The following CLEC4F variants were observed in gnomAD, a reference collection of about 807,000 sequenced individuals.
CLEC4F encodes the protein C-type lectin domain family 4 member F, also known as C-type (calcium dependent, carbohydrate-recognition domain) lectin, superfamily member 13.
Under a neutral mutation model 53.4 loss-of-function variants are expected in CLEC4F, and 45 were observed. The ratio of observed to expected loss-of-function variants is 0.84; its 90% CI spans 0.66 to 1.08. The LOEUF (loss-of-function observed/expected upper bound fraction) is 1.08, where lower values mean the gene tolerates loss of function less well. Ranked by LOEUF, CLEC4F falls within the 50% of genes least tolerant of loss-of-function variation. The probability of loss-of-function intolerance (pLI) is 0.00; values close to 1 mark genes in which losing one functional copy is unlikely to be tolerated. For synonymous variants in CLEC4F, 245 were observed against 257.5 expected (o/e 0.95, Z 0.46); for missense variants, 753 against 698.2 (o/e 1.08, Z -0.88).
chr2:70,812,629 C>A (rs1428442058), intron 4 of CLEC4F, 31 bp from the exon 5 acceptor site: 7 of 1,611,444 alleles, frequency 4.3e-6, no homozygotes, highest in South Asian at 1.1e-5. Flanking sequence ...AAAAGAGAAC[C>A]AGGAGCTGCT....
upstream of CLEC4F, among the ~76,000 whole-genome samples, chr2:70,823,338 T>C (rs1677274164): frequency 6.6e-6 from 1 of 152,082 alleles, no homozygotes. Flanking sequence ...CACCGCCACA[T>C]AGAATGGGAT....
Position 70,811,081 on chromosome 2 carries a change from G to A in CLEC4F, c.1540-1224C>T, listed in dbSNP as rs112253816. On this transcript the variant is annotated intron_variant, in intron 5 of 6. Transcript: ENST00000272367. ...TTTATTGCCATTCAGAAGACATGCA[G>A]CACCAACAAGTGTGTGTCTAGTATA... 34 of 678,020 alleles carry A rather than the reference G, an allele frequency of 5.0e-5. No homozygotes were observed. The African/African-American group carries it at 5.6e-4, about 11-fold the overall frequency. The allele number at this position is 678,020 out of a possible 1,614,324, so 42.0% of individuals were successfully genotyped here.
chr2:70,817,410 T>G (rs1382309786), intron 3 of CLEC4F, among the ~76,000 whole-genome samples: 1 of 152,224 alleles, frequency 6.6e-6, no homozygotes, highest in African/African-American at 2.4e-5. Flanking sequence ...CTGGTAAGGC[T>G]TGGATTATTT....
intron 4 of CLEC4F, among the ~76,000 whole-genome samples, chr2:70,815,408 C>T (rs1676837830): frequency 6.6e-6 from 1 of 152,156 alleles, no homozygotes; most frequent in East Asian, 1.9e-4. Flanking sequence ...ACCTATCAGC[C>T]TTATACCTGT....
chr2:70,820,064 T>C (rs561071512), intron 1 of CLEC4F, among the ~76,000 whole-genome samples, 173 bp from the exon 2 acceptor site: 4 of 152,226 alleles, frequency 2.6e-5, no homozygotes, highest in African/African-American at 7.2e-5. Context: ...ACAAAACACT[T>C]TGGGCTGTTC....
chr2:70,814,729 C>T (rs1213461422), intron 4 of CLEC4F, among the ~76,000 whole-genome samples: 1 of 151,670 alleles, frequency 6.6e-6, no homozygotes, highest in Non-Finnish European at 1.5e-5. Flanking sequence ...CCTAAGATAT[C>T]TAGTTCTTTG....
At chr2:70,824,645 A>AAAAAAAAAAAAAAAT (rs1558624383), upstream of CLEC4F, among the ~76,000 whole-genome samples, 1 of 150,662 alleles carries the variant, frequency 6.6e-6, no homozygotes, top group Non-Finnish European at 1.5e-5. Context: ...AAAAAAAAAA[A>AAAAAAAAAAAAAAAT]ACTGAGGGAA....
At chr2:70,812,734 A>G in intron 4 of CLEC4F, 136 bp from the exon 5 acceptor site, 1 of 876,472 alleles carries the variant, frequency 1.1e-6, no homozygotes, top group Non-Finnish European at 1.8e-6. Flanking sequence ...GTGCTCCAGG[A>G]GAAAGGCCTG....
chr2:70,816,652 G>A lies in CLEC4F; in HGVS notation c.729C>T (p.Ala243=), dbSNP rs142040724. ...LETANTQAQL[A]NSSLKNANAE... ...CATTAGCGTTCTTTAAACTGCTATT[G>A]GCTAACTGAGCCTGGGTATTTGCCG... Residue 243 remains alanine, a synonymous_variant, in exon 4 of 7, where the codon GCC becomes GCT. Coordinates refer to ENST00000272367, the MANE Select transcript of CLEC4F (RefSeq NM_173535.3). 16 of 1,614,048 alleles carry A rather than the reference G, an allele frequency of 9.9e-6. No individual in the cohort carries two copies. In the African/African-American group the frequency reaches 1.6e-4, roughly 16 times the overall value.
At chr2:70,819,575 G>T in intron 2 of CLEC4F, 131 bp from the exon 3 acceptor site, 3 of 943,476 alleles carry the variant, frequency 3.2e-6, no homozygotes, top group Non-Finnish European at 5.1e-6. Flanking sequence ...TTTCCCTCAT[G>T]AACCTCAGTT....
At chr2:70,824,045 AGAAAG>A (rs782526634), upstream of CLEC4F, among the ~76,000 whole-genome samples, 2 of 127,472 alleles carry the variant, frequency 1.6e-5, no homozygotes, top group African/African-American at 2.8e-5. Context: ...AAAGAAAGAA[AGAAAG>A]AAAGAAAGAG....
intron 2 of CLEC4F, 116 bp from the exon 3 acceptor site, chr2:70,819,560 C>G (rs1553397350): frequency 1.2e-5 from 12 of 1,025,066 alleles, no homozygotes; most frequent in Non-Finnish European, 1.8e-5. Context: ...AAGACCCTCC[C>G]AGGGTTTCCC....
upstream of CLEC4F, among the ~76,000 whole-genome samples, chr2:70,824,065 C>T (rs1677290631): frequency 6.8e-6 from 1 of 147,500 alleles, no homozygotes; most frequent in Non-Finnish European, 1.5e-5. Context: ...AAAGAGTCTA[C>T]TTGGTGGGAC....
chr2:70,808,860 G>A lies in CLEC4F; in HGVS notation c.*411C>T, dbSNP rs1558606479. The A allele has an allele frequency of 1.8e-6, 1 of 571,184 alleles. No individual in the cohort carries two copies. The highest frequency in any genetic ancestry group is 1.9e-5 in the African/African-American group (1 of 53,324). The allele number at this position is 571,184 out of a possible 1,614,324, so 35.4% of individuals were successfully genotyped here. A position where few individuals can be genotyped will look rare whatever the true frequency, so the allele number is the denominator to read the frequency against. ...CCCAGAGAACAAGCAGAGCTCAGAG[G>A]CTCCGAAGGCATCGAGGAGGAGGGT... On this transcript the variant is annotated 3_prime_UTR_variant, in exon 7 of 7. Coordinates refer to ENST00000272367, the MANE Select transcript of CLEC4F (RefSeq NM_173535.3).
chr2:70,816,966 C>T lies in CLEC4F; in HGVS notation c.415G>A (p.Gly139Ser), dbSNP rs782567216. The stretch of plus-strand genomic sequence containing the variant: ...GCATTGGTGTTTCCCAGATGATCAC[C>T]GAGCACCTGGAGCTGCGAATTGACA... ...DNVNSQLQVL[G>S]DHLGNTNADI... is the part of the protein sequence containing the mutation. Residue 139 changes from glycine (G) to serine (S), a missense_variant, in exon 4 of 7, where the codon GGT becomes AGT. Coordinates refer to ENST00000272367, the MANE Select transcript of CLEC4F (RefSeq NM_173535.3). 47 of 1,614,012 alleles carry T rather than the reference C, an allele frequency of 2.9e-5. No individual in the cohort carries two copies. In the South Asian group the frequency reaches 4.0e-4, roughly 14 times the overall value.
Position 70,820,506 on chromosome 2 carries a change from G to T in CLEC4F, c.18C>A (p.Val6=). The T allele has an allele frequency of 6.3e-7, 1 of 1,590,352 alleles. No individual in the cohort carries two copies. Among genetic ancestry groups the T allele is most frequent in the Non-Finnish European group, 8.6e-7 (1 of 1,166,552 alleles). Residue 6 remains valine (V), a synonymous_variant, in exon 1 of 7, where the codon GTC becomes GTA. Transcript: ENST00000272367. MDGEA[V]RFCTDNQCVS... ...CACACTGGTTATCTGTGCAGAAGCG[G>T]ACTGCCTCACCGTCCATCTCTGCTT...
In CLEC4F at chr2:70,809,019, A is replaced by G; in HGVS notation, c.*252T>C. 5 of 1,441,726 alleles carry G rather than the reference A, an allele frequency of 3.5e-6. No homozygotes were observed. Among genetic ancestry groups the G allele is most frequent in the Non-Finnish European group, 4.7e-6 (5 of 1,061,304 alleles). 89.3% of individuals were successfully genotyped at this position (1,441,726 alleles called of 1,614,324 possible). A position where few individuals can be genotyped will look rare whatever the true frequency, so the allele number is the denominator to read the frequency against. Reference sequence around the variant, plus strand: ...CATTCCACTTCTGCTGAATTTGGACACAGTCTTCAGTCTGCCCATTCTTGT... The same window carrying G: ...CATTCCACTTCTGCTGAATTTGGACGCAGTCTTCAGTCTGCCCATTCTTGT... On this transcript the variant is annotated 3_prime_UTR_variant, in exon 7 of 7. Coordinates refer to ENST00000272367, the MANE Select transcript of CLEC4F (RefSeq NM_173535.3).
rs1676389215 is a variant in CLEC4F, at chr2:70,809,042, T to A, written c.*229A>T. ...ACACAGTCTTCAGTCTGCCCATTCT[T>A]GTGCCGCCAGTTGTCAGACTGATTC... is the stretch of plus-strand genomic sequence containing the variant. On this transcript the variant is annotated 3_prime_UTR_variant, in exon 7 of 7. Transcript: ENST00000272367. The A allele has an allele frequency of 4.0e-6, 6 of 1,515,160 alleles. No individual in the cohort carries two copies. In the African/African-American group the frequency reaches 8.3e-5, roughly 21 times the overall value. 93.9% of individuals were successfully genotyped at this position (1,515,160 alleles called of 1,614,324 possible). A position where few individuals can be genotyped will look rare whatever the true frequency, so the allele number is the denominator to read the frequency against.
chr2:70,814,985 T>A (rs1338723166), intron 4 of CLEC4F, among the ~76,000 whole-genome samples: 9 of 152,086 alleles, frequency 5.9e-5, no homozygotes, highest in African/African-American at 2.2e-4. Context: ...AATAAGGACA[T>A]TGGGGCACTA....
Sources: gnomAD v4.1 joint callset for allele counts (sites outside exome capture counted in the v4.1 genomes callset) on GRCh38, gnomAD v4.1.1 for gene constraint, MANE v1.5 for transcripts, NCBI Gene and HGNC (gene_info 2026-07-23, HGNC 2026-07-21) for gene names.